IFNGR2: variants seen among roughly 807,000 people sequenced by gnomAD.
IFNGR2 encodes interferon gamma receptor 2.
Under a neutral mutation model 41.1 loss-of-function variants are expected in IFNGR2, and 15 were observed. The ratio of observed to expected loss-of-function variants is 0.37; its 90% CI spans 0.24 to 0.56. The LOEUF (loss-of-function observed/expected upper bound fraction) is 0.56, where lower values mean the gene tolerates loss of function less well. Among genes scored for constraint, IFNGR2 ranks in the 20% least tolerant of loss-of-function variants. The probability of loss-of-function intolerance (pLI) is 0.81; values close to 1 mark genes in which losing one functional copy is unlikely to be tolerated. For missense variants in IFNGR2, 362 were observed against 415.7 expected (o/e 0.87, Z 1.12); for synonymous variants, 161 against 171.6 (o/e 0.94, Z 0.48).
At chr21:33,433,209 C>T (rs905438171) in intron 6 of IFNGR2, among the ~76,000 whole-genome samples, 4 of 152,120 alleles carry the variant, frequency 2.6e-5, no homozygotes, top group African/African-American at 7.2e-5. Flanking sequence ...AATGGTGACA[C>T]ATCAGGGCCC....
At chr21:33,430,659 T>A (rs1194847599) in intron 4 of IFNGR2, among the ~76,000 whole-genome samples, 1 of 152,098 alleles carries the variant, frequency 6.6e-6, no homozygotes, top group Non-Finnish European at 1.5e-5. Context: ...GGTCTCACTA[T>A]GTTACCCAAG....
chr21:33,410,841 C>G (rs1445008304), intron 1 of IFNGR2: 1 of 1,542,630 alleles, frequency 6.5e-7, no homozygotes. Flanking sequence ...CTCAGCACAG[C>G]TAACTTTGGA....
chr21:33,411,219 A>G (rs2083713264), intron 1 of IFNGR2, among the ~76,000 whole-genome samples: 1 of 152,216 alleles, frequency 6.6e-6, no homozygotes. Flanking sequence ...AGTGAAACGG[A>G]AAATGAAGGA....
intron 1 of IFNGR2, among the ~76,000 whole-genome samples, chr21:33,406,079 A>C (rs2083675419): frequency 6.6e-6 from 1 of 151,566 alleles, no homozygotes; most frequent in Non-Finnish European, 1.5e-5. Context: ...TGATCCTTTG[A>C]AAAGTAGTAG....
At chr21:33,408,738 C>A (rs1465171434) in intron 1 of IFNGR2, among the ~76,000 whole-genome samples, 1 of 152,176 alleles carries the variant, frequency 6.6e-6, no homozygotes, top group Non-Finnish European at 1.5e-5. Flanking sequence ...GATACACATA[C>A]ACTATGTGCC....
chr21:33,402,902 T>G (rs1240571944), upstream of IFNGR2: 3 of 146,740 alleles, frequency 2.0e-5, no homozygotes, highest in Non-Finnish European at 3.0e-5. Context: ...TGGGGTTGAC[T>G]GGAGGCGGAG....
chr21:33,419,450 G>A (rs530534945), intron 2 of IFNGR2, among the ~76,000 whole-genome samples: 4 of 144,094 alleles, frequency 2.8e-5, no homozygotes, highest in African/African-American at 7.5e-5. Context: ...TCGTTCTCTT[G>A]TTTGAAAATT....
At chr21:33,415,997 A>G (rs1272860770) in intron 2 of IFNGR2, among the ~76,000 whole-genome samples, 1 of 152,168 alleles carries the variant, frequency 6.6e-6, no homozygotes, top group Non-Finnish European at 1.5e-5. Flanking sequence ...CTGGGACTAC[A>G]GGCATGAGCT....
chr21:33,419,565 T>C (rs1052663132), intron 2 of IFNGR2, among the ~76,000 whole-genome samples: 1 of 152,206 alleles, frequency 6.6e-6, no homozygotes, highest in Non-Finnish European at 1.5e-5. Flanking sequence ...TGAGCATTTT[T>C]TCATGTAATT....
intron 1 of IFNGR2, among the ~76,000 whole-genome samples, chr21:33,406,227 T>C (rs1415123245): frequency 6.6e-6 from 1 of 151,240 alleles, no homozygotes; most frequent in Non-Finnish European, 1.5e-5. Context: ...ACTACGAAAA[T>C]TACCCGGGCG....
intron 6 of IFNGR2, 74 bp from the exon 7 acceptor site, chr21:33,436,754 A>G: frequency 8.1e-7 from 1 of 1,237,962 alleles, no homozygotes. Context: ...AAATAAAAAC[A>G]AAAACTAAAG....
chr21:33,431,835 G>C (rs906873153), intron 4 of IFNGR2, among the ~76,000 whole-genome samples: 48 of 152,340 alleles, frequency 3.2e-4, no homozygotes, highest in African/African-American at 1.1e-3. Flanking sequence ...GCCTCCCAAA[G>C]TGGTGGGATT....
chr21:33,406,010 CA>C (rs1192152622), intron 1 of IFNGR2, among the ~76,000 whole-genome samples: 2 of 149,394 alleles, frequency 1.3e-5, no homozygotes, highest in African/African-American at 4.9e-5. Context: ...GCCTGGGCGA[CA>C]AGAGCAAGAC....
intron 2 of IFNGR2, among the ~76,000 whole-genome samples, chr21:33,420,530 T>G (rs1216077996): frequency 6.6e-6 from 1 of 152,292 alleles, no homozygotes; most frequent in East Asian, 1.9e-4. Context: ...TGGGCAGCTA[T>G]GGGTGGAAAG....
chr21:33,415,081 G>T, intron 2 of IFNGR2, 61 bp downstream of exon 2: 1 of 1,589,832 alleles, frequency 6.3e-7, no homozygotes. Context: ...GCGGAACCCT[G>T]GGGCCACATA....
chr21:33,426,445 G>A (rs8129973), intron 3 of IFNGR2, among the ~76,000 whole-genome samples: 3,101 of 151,268 alleles, frequency 0.021, 110 homozygotes, highest in African/African-American at 0.072. Context: ...TAGGCCAGGC[G>A]CGGTGGCTCA....
intron 1 of IFNGR2, among the ~76,000 whole-genome samples, chr21:33,410,221 C>T (rs1414220810): frequency 6.8e-6 from 1 of 148,028 alleles, no homozygotes; most frequent in East Asian, 2.0e-4. Flanking sequence ...AGCTGGAGTG[C>T]AGTGGTGCAA....
chr21:33,432,587 G>C (rs1050780770), intron 5 of IFNGR2, 127 bp from the exon 6 acceptor site: 6 of 1,050,416 alleles, frequency 5.7e-6, no homozygotes, highest in East Asian at 2.4e-5. Context: ...GTGAGGGTGG[G>C]GGGTAGAGGG....
At chr21:33,414,176 A>G (rs1439194173) in intron 1 of IFNGR2, among the ~76,000 whole-genome samples, 1 of 152,116 alleles carries the variant, frequency 6.6e-6, no homozygotes. Context: ...GCAGCTGGAA[A>G]GCTTGTTTAA....
Sources: allele counts gnomAD v4.1 joint callset (sites outside exome capture counted in the v4.1 genomes callset), GRCh38; gene constraint gnomAD v4.1.1; transcripts MANE v1.5; gene names NCBI Gene and HGNC (gene_info 2026-07-23, HGNC 2026-07-21).